NUP188: variants seen among roughly 807,000 people sequenced by gnomAD.
NUP188 encodes the protein nucleoporin 188.
In NUP188, 97 loss-of-function variants were observed where a neutral mutation model predicts 223.0. The observed-to-expected ratio is 0.43, with a 90% CI of 0.37 to 0.51. The LOEUF (loss-of-function observed/expected upper bound fraction) is 0.51. NUP188 is among the 20% of genes least tolerant of loss of function. NUP188 has a pLI of 0.00. For synonymous variants in NUP188, 869 were observed against 828.0 expected, an observed-to-expected ratio of 1.05 and a Z score of -0.85; for missense variants, 1,947 against 2,175.6, an observed-to-expected ratio of 0.89 and a Z score of 2.09.
In NUP188 at chr9:128,968,542, C is replaced by T; in HGVS notation, c.622C>T (p.Leu208Phe). The T allele has an allele frequency of 1.2e-6, 2 of 1,614,146 alleles. No homozygotes were observed. Among genetic ancestry groups the T allele is most frequent in the Non-Finnish European group, 1.7e-6 (2 of 1,180,024 alleles). ...AGTGTCTCGCTGGTTTGTTCAGTGCCTTCGGGAACAGTCCATGCTGCTAGA... is the reference window on the plus strand; with the variant it reads ...AGTGTCTCGCTGGTTTGTTCAGTGCTTTCGGGAACAGTCCATGCTGCTAGA... ...RQVSRWFVQC[L>F]REQSMLLEII... Residue 208 changes from leucine to phenylalanine, a missense_variant, in exon 9 of 44, where the codon CTT (leucine) becomes TTT (phenylalanine). Physicochemically the swap from Leu to Phe is conservative, Grantham distance 22. Transcript: ENST00000372577.
intron 34 of NUP188, among the ~76,000 whole-genome samples, chr9:129,000,607 C>T (rs1391143619): frequency 6.6e-6 from 1 of 152,022 alleles, no homozygotes; most frequent in Non-Finnish European, 1.5e-5. Context: ...CGTGAGCCAC[C>T]ACGCCTGGCC....
intron 13 of NUP188, 69 bp from the exon 14 acceptor site, chr9:128,980,537 T>C: frequency 6.6e-7 from 1 of 1,520,634 alleles, no homozygotes; most frequent in Non-Finnish European, 8.9e-7. Context: ...TCATGATTGC[T>C]GGGAAATTTG....
chr9:129,003,222 G>A (rs1460263564), intron 37 of NUP188, 95 bp from the exon 38 acceptor site: 5 of 1,432,250 alleles, frequency 3.5e-6, no homozygotes, highest in East Asian at 2.3e-5. Context: ...AGCATTTGGG[G>A]GCCTGGGACG....
At chr9:128,970,680 G>A (rs973080843) in intron 10 of NUP188, 78 bp from the exon 11 acceptor site, 9 of 1,220,744 alleles carry the variant, frequency 7.4e-6, no homozygotes, top group Non-Finnish European at 1.1e-5. Context: ...CTTGCTTATT[G>A]AGCGTGATGA....
chr9:128,966,280 G>T (rs1220784310), intron 8 of NUP188, among the ~76,000 whole-genome samples: 2 of 151,270 alleles, frequency 1.3e-5, no homozygotes, highest in African/African-American at 4.9e-5. Context: ...GTGTGTGTGT[G>T]TGTGTGTTTG....
At chr9:129,004,184 G>A (rs1370562801) in intron 38 of NUP188, among the ~76,000 whole-genome samples, 1 of 151,194 alleles carries the variant, frequency 6.6e-6, no homozygotes, top group African/African-American at 2.4e-5. Context: ...TCGGGAGGCT[G>A]AGGCAGGAGA....
At chr9:128,955,566 A>G (rs1275425279) in intron 3 of NUP188, among the ~76,000 whole-genome samples, 1 of 151,954 alleles carries the variant, frequency 6.6e-6, no homozygotes, top group Non-Finnish European at 1.5e-5. Flanking sequence ...ACCTTGTTTC[A>G]GCTTTGGCTA....
chr9:128,977,340 C>G (rs962298493), intron 12 of NUP188, among the ~76,000 whole-genome samples: 1 of 151,762 alleles, frequency 6.6e-6, no homozygotes, highest in Non-Finnish European at 1.5e-5. Flanking sequence ...AGGATGGTCT[C>G]GATCTCCTGA....
chr9:129,001,938 CTGAG>C lies in NUP188; in HGVS notation c.4102_4105del (p.Ser1368CysfsTer4). 1 of 1,614,232 alleles carries C rather than the reference CTGAG, an allele frequency of 6.2e-7. No individual in the cohort carries two copies. The highest frequency in any genetic ancestry group is 8.5e-7 in the Non-Finnish European group (1 of 1,180,036). ...CACCCAGAGCATTTGTTTGCCCCTTCTGAGTGTGTACCAGCTGAGCACCAACGGC... is the reference window on the plus strand; with the variant it reads ...CACCCAGAGCATTTGTTTGCCCCTTCTGTGTACCAGCTGAGCACCAACGGC... On this transcript the variant is annotated frameshift_variant, in exon 36 of 44. Coordinates refer to ENST00000372577, the MANE Select transcript of NUP188 (RefSeq NM_015354.3). LOFTEE classifies it high-confidence loss of function.
At position 129,006,376 on chromosome 9, in the gene NUP188, T is replaced by C. The variant is rs1564570554; in HGVS notation, c.5073+8T>C. ...GAGCTCAGCTCTGAGTTGGTACGGA[T>C]GGATAGGGATACGGAGGGCTGGACC... On this transcript the variant is annotated splice_region_variant and intron_variant, in intron 43 of 43. Transcript: ENST00000372577. 2 of 1,613,974 alleles carry C rather than the reference T, an allele frequency of 1.2e-6. No individual in the cohort carries two copies. Among genetic ancestry groups the C allele is most frequent in the Non-Finnish European group, 8.5e-7 (1 of 1,179,946 alleles).
chr9:128,970,136 C>T (rs537471967), intron 10 of NUP188, among the ~76,000 whole-genome samples: 36 of 152,098 alleles, frequency 2.4e-4, no homozygotes, highest in Non-Finnish European at 4.9e-4. Context: ...CTATGTTGGC[C>T]AGGCTAGTCT....
At chr9:128,974,752 GC>G (rs1842149938) in intron 12 of NUP188, among the ~76,000 whole-genome samples, 1 of 149,652 alleles carries the variant, frequency 6.7e-6, no homozygotes, top group Non-Finnish European at 1.5e-5. Context: ...TCACACAAAA[GC>G]CCCCCAGAAA....
intron 12 of NUP188, among the ~76,000 whole-genome samples, chr9:128,973,644 A>G (rs903422887): frequency 6.6e-6 from 1 of 152,074 alleles, no homozygotes; most frequent in African/African-American, 2.4e-5. Context: ...CGGCCTCCCA[A>G]AGTGCTGGGA....
At chr9:128,989,146 C>G (rs1588285161) in intron 24 of NUP188, among the ~76,000 whole-genome samples, 1 of 152,058 alleles carries the variant, frequency 6.6e-6, no homozygotes, top group African/African-American at 2.4e-5. Context: ...GTAATCCCAG[C>G]ACTTTGGGAC....
chr9:128,978,118 C>A (rs948677851), intron 12 of NUP188, among the ~76,000 whole-genome samples: 2 of 152,010 alleles, frequency 1.3e-5, no homozygotes, highest in African/African-American at 4.8e-5. Context: ...ACTTCTGTAA[C>A]CCAGTGCTTT....
At position 129,006,811 on chromosome 9, in the gene NUP188, A is replaced by C; in HGVS notation, c.*133A>C. ...TCACCCCCCTCCCGGAGTAGCCACGACTCCAGCCACCACCCACTGACGTTA... is the reference window on the plus strand; with the variant it reads ...TCACCCCCCTCCCGGAGTAGCCACGCCTCCAGCCACCACCCACTGACGTTA... On this transcript the variant is annotated 3_prime_UTR_variant, in exon 44 of 44. Coordinates refer to ENST00000372577, the MANE Select transcript of NUP188 (RefSeq NM_015354.3). 1 of 858,134 alleles carries C rather than the reference A, an allele frequency of 1.2e-6. No individual in the cohort carries two copies. Among genetic ancestry groups the C allele is most frequent in the Non-Finnish European group, 1.7e-6 (1 of 576,012 alleles). 53.2% of individuals were successfully genotyped at this position (858,134 alleles called of 1,614,324 possible).
chr9:128,984,620 C>T (rs1008378542), intron 19 of NUP188, among the ~76,000 whole-genome samples: 2 of 152,186 alleles, frequency 1.3e-5, no homozygotes, highest in Non-Finnish European at 2.9e-5. Flanking sequence ...ACACAGGCTC[C>T]ATCTTACTAC....
At chr9:128,979,209 T>C in intron 12 of NUP188, 53 bp from the exon 13 acceptor site, 1 of 1,294,164 alleles carries the variant, frequency 7.7e-7, no homozygotes, top group Non-Finnish European at 1.1e-6. Flanking sequence ...ATAATAAAGA[T>C]AGACTGGTTC....
Position 128,979,342 on chromosome 9 carries a change from G to C in NUP188, c.1269+15G>C. The C allele has an allele frequency of 6.3e-7, 1 of 1,588,950 alleles. No homozygotes were observed. Among genetic ancestry groups the C allele is most frequent in the Non-Finnish European group, 8.6e-7 (1 of 1,158,468 alleles). ...TCTGGGGAACAGTAAGTATGTCAGA[G>C]AGAGTCACTGCATAGCAAAAGAATT... On this transcript the variant is annotated intron_variant, in intron 13 of 43. Transcript: ENST00000372577.
Sources: gnomAD v4.1 joint callset for allele counts (sites outside exome capture counted in the v4.1 genomes callset) on GRCh38, gnomAD v4.1.1 for gene constraint, MANE v1.5 for transcripts, NCBI Gene and HGNC (gene_info 2026-07-23, HGNC 2026-07-21) for gene names.